MYCBP2: variants seen among roughly 807,000 people sequenced by gnomAD.
The protein encoded by MYCBP2 is MYC binding protein 2.
MYCBP2 carries 120 observed loss-of-function variants against 525.3 expected under a neutral mutation model. The observed-to-expected ratio is 0.23, with a 90% CI of 0.20 to 0.27. The LOEUF (loss-of-function observed/expected upper bound fraction) is 0.27. Ranked by LOEUF, MYCBP2 falls within the 10% of genes least tolerant of loss-of-function variation. The probability of loss-of-function intolerance (pLI) is 1.00; values close to 1 mark genes in which losing one functional copy is unlikely to be tolerated. For missense variants in MYCBP2, 4,149 were observed against 5,657.1 expected, an observed-to-expected ratio of 0.73 and a Z score of 8.55; for synonymous variants, 1,894 against 1,955.8, an observed-to-expected ratio of 0.97 and a Z score of 0.83.
At chr13:77,280,605 T>C (rs1321415374) in intron 3 of MYCBP2, among the ~76,000 whole-genome samples, 3 of 152,184 alleles carry the variant, frequency 2.0e-5, no homozygotes, top group Admixed American at 6.5e-5. Context: ...TTATTATAGA[T>C]ACAGTTTCCT....
chr13:77,287,192 C>CCT, intron 3 of MYCBP2, among the ~76,000 whole-genome samples: 1 of 125,092 alleles, frequency 8.0e-6, no homozygotes, highest in South Asian at 2.5e-4. Context: ...CAGCCAGTTT[C>CCT]TTTTTTTTTT....
chr13:77,143,541 C>T (rs945288616), intron 49 of MYCBP2, among the ~76,000 whole-genome samples: 1 of 152,182 alleles, frequency 6.6e-6, no homozygotes, highest in Admixed American at 6.5e-5. Flanking sequence ...GGTTCTGAGG[C>T]TACCTGCATC....
chr13:77,196,560 G>C (rs1399002159), intron 26 of MYCBP2, among the ~76,000 whole-genome samples: 1 of 152,180 alleles, frequency 6.6e-6, no homozygotes, highest in East Asian at 1.9e-4. Context: ...GATTTATTTT[G>C]AAAGTGGAAA....
At chr13:77,077,607 G>A (rs1299063208) in intron 66 of MYCBP2, 6 of 459,474 alleles carry the variant, frequency 1.3e-5, no homozygotes, top group Admixed American at 7.8e-5. Flanking sequence ...GGTTAATACA[G>A]GTTAAGGGAT....
chr13:77,071,500 A>G (rs73239444), intron 68 of MYCBP2, among the ~76,000 whole-genome samples: 2,970 of 152,280 alleles, frequency 0.02, 56 homozygotes, highest in Middle Eastern at 0.075. Context: ...AAACCTGATC[A>G]TCTACAAAAC....
At chr13:77,278,977 T>A in intron 3 of MYCBP2, 66 bp from the exon 4 acceptor site, 1 of 1,195,120 alleles carries the variant, frequency 8.4e-7, no homozygotes, top group East Asian at 2.8e-5. Flanking sequence ...CTAAGCAGTT[T>A]AGTTGGTACA....
At chr13:77,274,004 G>T (rs1453531791) in intron 4 of MYCBP2, among the ~76,000 whole-genome samples, 3 of 152,138 alleles carry the variant, frequency 2.0e-5, no homozygotes, top group African/African-American at 7.2e-5. Flanking sequence ...TTACCTTTTA[G>T]ATTAGGAGGC....
chr13:77,132,834 C>T (rs897691945), intron 52 of MYCBP2, among the ~76,000 whole-genome samples: 1 of 152,146 alleles, frequency 6.6e-6, no homozygotes, highest in African/African-American at 2.4e-5. Flanking sequence ...AATAAATTCT[C>T]TCTTCATCTT....
At chr13:77,239,052 G>T (rs1228849393) in intron 17 of MYCBP2, among the ~76,000 whole-genome samples, 1 of 152,050 alleles carries the variant, frequency 6.6e-6, no homozygotes, top group Non-Finnish European at 1.5e-5. Context: ...ACCGAGAGGC[G>T]GAGGTTGCAG....
intron 55 of MYCBP2, among the ~76,000 whole-genome samples, chr13:77,120,203 T>G (rs975801127): frequency 5.9e-5 from 9 of 151,920 alleles, no homozygotes; most frequent in African/African-American, 2.2e-4. Context: ...GAAAGGGACA[T>G]AAAGAAAACA....
Position 77,081,205 on chromosome 13 carries a change from G to T in MYCBP2, c.11418+222C>A. On this transcript the variant is annotated intron_variant, in intron 65 of 82. Transcript: ENST00000544440. This position sits in a 1 kb window ranked among gnomAD's most constrained non-coding sequence, Gnocchi z 4.6. ...TTCATTTTGCTTAGCTGTAGCCATG[G>T]TATATTTGTAATCAGACCTCTTTTC... is the stretch of plus-strand genomic sequence containing the variant. The T allele has an allele frequency of 2.0e-6, 1 of 511,334 alleles. No homozygotes were observed. The highest frequency in any genetic ancestry group is 3.4e-6 in the Non-Finnish European group (1 of 290,064). The allele number at this position is 511,334 out of a possible 1,614,324, so 31.7% of individuals were successfully genotyped here.
At chr13:77,133,322 C>A (rs2053220387) in intron 52 of MYCBP2, among the ~76,000 whole-genome samples, 1 of 152,180 alleles carries the variant, frequency 6.6e-6, no homozygotes, top group South Asian at 2.1e-4. Flanking sequence ...AGGCAAGGAG[C>A]ATATATATGT....
intron 2 of MYCBP2, among the ~76,000 whole-genome samples, chr13:77,292,958 C>CAAAAAAA (rs548135428): frequency 3.3e-5 from 2 of 61,248 alleles, no homozygotes; most frequent in Non-Finnish European, 7.0e-5. Flanking sequence ...GACTCCGTCT[C>CAAAAAAA]AAAAAAAAAA....
At chr13:77,086,772 G>T (rs1379029398) in intron 62 of MYCBP2, among the ~76,000 whole-genome samples, 1 of 151,710 alleles carries the variant, frequency 6.6e-6, no homozygotes, top group Non-Finnish European at 1.5e-5. Context: ...ATTTTCTTTA[G>T]TTCTTTATCG....
chr13:77,257,230 G>A (rs2072401288), intron 14 of MYCBP2, among the ~76,000 whole-genome samples: 1 of 152,130 alleles, frequency 6.6e-6, no homozygotes, highest in Non-Finnish European at 1.5e-5. Flanking sequence ...GGTTACTAGA[G>A]ACTGGGAAGG....
Position 77,194,185 on chromosome 13 carries a change from C to T in MYCBP2, c.3903G>A (p.Glu1301=). Residue 1301 remains glutamate, a synonymous_variant, in exon 27 of 83, where the codon GAG becomes GAA. Transcript: ENST00000544440. The part of the protein sequence containing the change: ...DHETDGDLLA[E]TDVLAYDCAA... ...CACAGTCATAAGCCAATACATCAGTCTCTGCAAGAAGGTCACCATCAGTTT... is the reference window on the plus strand; with the variant it reads ...CACAGTCATAAGCCAATACATCAGTTTCTGCAAGAAGGTCACCATCAGTTT... 1 of 1,613,320 alleles carries T rather than the reference C, an allele frequency of 6.2e-7. No individual in the cohort carries two copies. Among genetic ancestry groups the T allele is most frequent in the Non-Finnish European group, 8.5e-7 (1 of 1,179,502 alleles).
At chr13:77,286,619 G>A (rs770941482) in intron 3 of MYCBP2, among the ~76,000 whole-genome samples, 7 of 148,222 alleles carry the variant, frequency 4.7e-5, no homozygotes, top group South Asian at 2.2e-4. Context: ...AGCCGGGCGC[G>A]GTGGCAGGTG....
intron 7 of MYCBP2, among the ~76,000 whole-genome samples, chr13:77,269,672 T>C (rs1485816642): frequency 1.3e-5 from 2 of 152,088 alleles, no homozygotes; most frequent in African/African-American, 4.8e-5. Flanking sequence ...CTTCAATTCT[T>C]ATCTAGAGGC....
At chr13:77,216,103 G>C (rs1395918554) in intron 21 of MYCBP2, among the ~76,000 whole-genome samples, 3 of 152,112 alleles carry the variant, frequency 2.0e-5, no homozygotes, top group African/African-American at 7.2e-5. Context: ...TGGAAAGAAA[G>C]GAAGCACTCC....
Sources: gnomAD v4.1 joint callset for allele counts (sites outside exome capture counted in the v4.1 genomes callset) on GRCh38, gnomAD v4.1.1 for gene constraint, Gnocchi (gnomAD v3.1) non-coding constraint, MANE v1.5 for transcripts, NCBI Gene and HGNC (gene_info 2026-07-23, HGNC 2026-07-21) for gene names.